Variants in CLTCL1 observed in about 807,000 individuals in gnomAD.
The protein encoded by CLTCL1 is clathrin heavy chain like 1.
Under a neutral mutation model 190.0 loss-of-function variants are expected in CLTCL1, and 159 were observed. The observed-to-expected ratio is 0.84, with a 90% CI of 0.74 to 0.95. The LOEUF is 0.95. Among genes scored for constraint, CLTCL1 ranks in the 40% least tolerant of loss-of-function variants. The pLI is 0.00. For synonymous variants in CLTCL1, 752 were observed against 769.6 expected (o/e 0.98, Z 0.38); for missense variants, 1,878 against 2,033.4 (o/e 0.92, Z 1.47).
intron 1 of CLTCL1, among the ~76,000 whole-genome samples, chr22:19,276,109 G>A (rs2087495956): frequency 6.6e-6 from 1 of 152,130 alleles, no homozygotes; most frequent in Non-Finnish European, 1.5e-5. Flanking sequence ...CAGACAGGAG[G>A]AGATGAGTTG....
At position 19,233,252 on chromosome 22, in the gene CLTCL1, A is replaced by G; in HGVS notation, c.1435T>C (p.Tyr479His). ...TTDPMLALSVYLRANVPSKVI... is the reference protein window; with the variant it reads ...TTDPMLALSVHLRANVPSKVI... ...TTGCTTGGCACATTTGCCCGAAGGT[A>G]CACACTCAGAGCGAGCATGGGGTCA... The change falls in exon 9 of 33, where the codon TAC (tyrosine) becomes CAC (histidine). Residue 479 changes from tyrosine to histidine, a missense_variant. Coordinates refer to ENST00000427926, the MANE Select transcript of CLTCL1 (RefSeq NM_007098.4). 1 of 1,614,026 alleles carries G rather than the reference A, an allele frequency of 6.2e-7. No homozygotes were observed. The highest frequency in any genetic ancestry group is 8.5e-7 in the Non-Finnish European group (1 of 1,179,888).
intron 24 of CLTCL1, among the ~76,000 whole-genome samples, chr22:19,197,130 T>A (rs1238743787): frequency 6.6e-6 from 1 of 152,116 alleles, no homozygotes; most frequent in African/African-American, 2.4e-5. Context: ...ACACTCTCCC[T>A]GGACAAGACC....
At chr22:19,219,132 G>T (rs1030653512) in intron 18 of CLTCL1, among the ~76,000 whole-genome samples, 2 of 152,012 alleles carry the variant, frequency 1.3e-5, no homozygotes, top group Admixed American at 6.6e-5. Flanking sequence ...TTCTGCAGGG[G>T]AGAAGGTTCG....
At chr22:19,252,955 A>C (rs2086640509) in intron 3 of CLTCL1, among the ~76,000 whole-genome samples, 1 of 149,096 alleles carries the variant, frequency 6.7e-6, no homozygotes, top group South Asian at 2.2e-4. Context: ...CAGAGCTTGC[A>C]GTGAGCCGAG....
chr22:19,227,113 G>C (rs9605960), intron 11 of CLTCL1, among the ~76,000 whole-genome samples: 58,468 of 151,398 alleles, frequency 0.39, 12,136 homozygotes, highest in South Asian at 0.54. Flanking sequence ...CCTTGAATGA[G>C]CTCAAGCCTT....
chr22:19,249,884 T>C (rs919916109), intron 3 of CLTCL1: 1 of 431,242 alleles, frequency 2.3e-6, no homozygotes, highest in South Asian at 1.7e-5. Flanking sequence ...CCAGGTACCA[T>C]GCAAAAGCAA....
chr22:19,287,639 C>A (rs1451784964), intron 1 of CLTCL1, among the ~76,000 whole-genome samples: 1 of 152,170 alleles, frequency 6.6e-6, no homozygotes, highest in Non-Finnish European at 1.5e-5. Context: ...ACAAAGCTAG[C>A]ATGACCATCA....
chr22:19,232,589 T>G lies in CLTCL1; in HGVS notation c.1531A>C (p.Thr511Pro), dbSNP rs530813963. 1.6e-5 allele frequency: 26 copies of G among 1,612,332 alleles called. No individual in the cohort carries two copies. The South Asian group carries it at 2.9e-4, about 18-fold the overall frequency. The change falls in exon 10 of 33, where the codon ACC becomes CCC. Residue 511 changes from threonine to proline, a missense_variant. Transcript: ENST00000427926. ...IVLYAKKVGY[T>P]PDWIFLLRGV... is the part of the protein sequence containing the mutation. The stretch of plus-strand genomic sequence containing the variant: ...CTCAGCAGAAAGATCCAGTCTGGGG[T>G]GTACCCAACCTAGAAGCAAGGGAGC...
Position 19,210,445 on chromosome 22 carries a change from T to C in CLTCL1, c.3130A>G (p.Ile1044Val). ...GCGTCATAGTTGTCCAGGCGGCTGA[T>C]GTACTCCATGACCCGTGTGCGGTCT... ...KADRTRVMEY[I>V]SRLDNYDALD... The change falls in exon 20 of 33, where the codon ATC (isoleucine) becomes GTC (valine). Residue 1044 changes from isoleucine (I) to valine (V), a missense_variant. Coordinates refer to ENST00000427926, the MANE Select transcript of CLTCL1 (RefSeq NM_007098.4). 1.2e-6 allele frequency: 2 copies of C among 1,613,976 alleles called. No individual in the cohort carries two copies. Among genetic ancestry groups the C allele is most frequent in the Non-Finnish European group, 1.7e-6 (2 of 1,179,876 alleles).
intron 2 of CLTCL1, among the ~76,000 whole-genome samples, chr22:19,273,749 T>C (rs141630523): frequency 2.1e-3 from 320 of 152,262 alleles, no homozygotes; most frequent in African/African-American, 7.3e-3. Flanking sequence ...CCCCACTTGC[T>C]GCCAACATCC....
chr22:19,191,400 C>A lies in CLTCL1; in HGVS notation c.4227G>T (p.Gln1409His), dbSNP rs782094703. Residue 1409 changes from glutamine (Q) to histidine (H), a missense_variant, in exon 27 of 33, where the codon CAG becomes CAT. Coordinates refer to ENST00000427926, the MANE Select transcript of CLTCL1 (RefSeq NM_007098.4). ...ANVELCYRAL[Q>H]FYLDYKPLLI... ...GCAGTGGTTTGTAATCCAAATAGAA[C>A]TGCAGGGCTCTGTAACAGAGCTCGA... 2.5e-6 allele frequency: 4 copies of A among 1,613,852 alleles called. No individual in the cohort carries two copies. Among genetic ancestry groups the A allele is most frequent in the Non-Finnish European group, 3.4e-6 (4 of 1,179,900 alleles).
At chr22:19,265,529 AT>A (rs1301470175) in intron 2 of CLTCL1, among the ~76,000 whole-genome samples, 5 of 152,072 alleles carry the variant, frequency 3.3e-5, no homozygotes, top group African/African-American at 1.2e-4. Flanking sequence ...TTTTTAATAT[AT>A]TTTATATATT....
chr22:19,226,339 G>T lies in CLTCL1; in HGVS notation c.1827C>A (p.Asp609Glu). 6.2e-7 allele frequency: 1 copy of T among 1,614,052 alleles called. No homozygotes were observed. Among genetic ancestry groups the T allele is most frequent in the Non-Finnish European group, 8.5e-7 (1 of 1,179,904 alleles). ...ILGNKMFTHY[D>E]RAHIAQLCEK... ...CACAGAGCTGGGCAATGTGGGCCCG[G>T]TCGTAATGAGTAAACATTTTATTTC... is the stretch of plus-strand genomic sequence containing the variant. Residue 609 changes from aspartate to glutamate, a missense_variant, in exon 12 of 33, where the codon GAC becomes GAA. Coordinates refer to ENST00000427926, the MANE Select transcript of CLTCL1 (RefSeq NM_007098.4).
chr22:19,222,579 G>T, intron 15 of CLTCL1, 105 bp downstream of exon 15: 1 of 1,356,466 alleles, frequency 7.4e-7, no homozygotes. Context: ...CCTTCAAAAT[G>T]ATAGTCTCTG....
intron 3 of CLTCL1, among the ~76,000 whole-genome samples, chr22:19,248,462 G>A (rs546121242): frequency 2.3e-4 from 35 of 152,120 alleles, no homozygotes; most frequent in African/African-American, 7.2e-4. Flanking sequence ...ATGTTTCTTC[G>A]TATACTCAGA....
rs149583143 is a variant in CLTCL1, at chr22:19,224,741, T to A, written c.2129-687A>T. Among the ~76,000 whole-genome samples the A allele has an allele frequency of 3.8e-3, 582 of 152,312 alleles. 2 individuals are homozygous for A. The highest frequency in any genetic ancestry group is 6.4e-3 in the Non-Finnish European group (435 of 68,016). On this transcript the variant is annotated intron_variant, in intron 13 of 32. Coordinates refer to ENST00000427926, the MANE Select transcript of CLTCL1 (RefSeq NM_007098.4). ...CCCAGCCCAGCTCCACTCAATCGTC[T>A]GCCATGGTCTTTCCTACAGGGGTGT...
chr22:19,226,646 C>T (rs1351114422), intron 11 of CLTCL1, among the ~76,000 whole-genome samples: 1 of 152,200 alleles, frequency 6.6e-6, no homozygotes, highest in African/African-American at 2.4e-5. Context: ...CAGAGTTGGG[C>T]CTGTGAGAAA....
At chr22:19,258,038 G>C (rs2086821842) in intron 2 of CLTCL1, 1 of 480,636 alleles carries the variant, frequency 2.1e-6, no homozygotes, top group South Asian at 1.6e-5. Flanking sequence ...GACAGAGCTG[G>C]CCATGCACCA....
chr22:19,266,356 C>T (rs1415859171), intron 2 of CLTCL1, among the ~76,000 whole-genome samples: 1 of 152,188 alleles, frequency 6.6e-6, no homozygotes, highest in East Asian at 1.9e-4. Context: ...TAGAAAGACA[C>T]AAATTACCAA....
Sources: gnomAD v4.1 joint callset for allele counts (sites outside exome capture counted in the v4.1 genomes callset) on GRCh38, gnomAD v4.1.1 for gene constraint, MANE v1.5 for transcripts, NCBI Gene and HGNC (gene_info 2026-07-23, HGNC 2026-07-21) for gene names.